Variants in CACNA1G observed in about 807,000 individuals in gnomAD.
The protein encoded by CACNA1G is calcium voltage-gated channel subunit alpha1 G, also known as voltage-dependent T-type calcium channel subunit alpha-1G.
A neutral mutation model predicts 219.4 loss-of-function variants in CACNA1G; 67 were observed. The ratio of observed to expected loss-of-function variants is 0.31; its 90% CI spans 0.25 to 0.37. The LOEUF is 0.37. Among genes scored for constraint, CACNA1G ranks in the 10% least tolerant of loss-of-function variants. The pLI is 1.00. For missense variants in CACNA1G, 2,380 were observed against 3,231.4 expected, an observed-to-expected ratio of 0.74 and a Z score of 6.39; for synonymous variants, 1,296 against 1,345.3, an observed-to-expected ratio of 0.96 and a Z score of 0.80.
intron 8 of CACNA1G, among the ~76,000 whole-genome samples, chr17:50,577,653 G>T (rs1297272075): frequency 6.6e-6 from 1 of 151,874 alleles, no homozygotes; most frequent in Non-Finnish European, 1.5e-5. Context: ...GAATGTGTTT[G>T]TGCACACATG....
Position 50,621,587 on chromosome 17 carries a change from C to T in CACNA1G, c.5926-73C>T, listed in dbSNP as rs774202880. The T allele has an allele frequency of 2.2e-5, 34 of 1,527,208 alleles. No individual in the cohort carries two copies. Among genetic ancestry groups the T allele is most frequent in the South Asian group, 1.6e-4 (14 of 85,126 alleles). The allele number at this position is 1,527,208 out of a possible 1,614,324, so 94.6% of individuals were successfully genotyped here. A position where few individuals can be genotyped will look rare whatever the true frequency, so the allele number is the denominator to read the frequency against. ...GGGGGAAGTGGGGACTGAGAGAGAGCGCGTGTGTGCGTGTGCACGCGCGTG... is the reference window on the plus strand; with the variant it reads ...GGGGGAAGTGGGGACTGAGAGAGAGTGCGTGTGTGCGTGTGCACGCGCGTG... On this transcript the variant is annotated intron_variant, in intron 34 of 37. Coordinates refer to ENST00000359106, the MANE Select transcript of CACNA1G (RefSeq NM_018896.5). The surrounding 1 kb of genome is among the most constrained non-coding windows in gnomAD (Gnocchi z 4.6).
Position 50,596,006 on chromosome 17 carries a change from G to C in CACNA1G, c.2980-556G>C, listed in dbSNP as rs1259131227. ...AGACAGGGAGAGAGGTAAAAATGGGGCCAGGGAGGGGGCCGGGACTTGGGG... is the reference window on the plus strand; with the variant it reads ...AGACAGGGAGAGAGGTAAAAATGGGCCCAGGGAGGGGGCCGGGACTTGGGG... On this transcript the variant is annotated intron_variant, in intron 14 of 37. Coordinates refer to ENST00000359106, the MANE Select transcript of CACNA1G (RefSeq NM_018896.5). The surrounding 1 kb of genome is among the most constrained non-coding windows in gnomAD (Gnocchi z 4.8). Among the ~76,000 whole-genome samples the C allele has an allele frequency of 1.3e-5, 2 of 152,224 alleles. No homozygotes were observed. The highest frequency in any genetic ancestry group is 2.9e-5 in the Non-Finnish European group (2 of 68,046).
chr17:50,625,911 T>C (rs892726503), intron 37 of CACNA1G, 106 bp from the exon 38 acceptor site: 2 of 1,264,906 alleles, frequency 1.6e-6, no homozygotes, highest in Non-Finnish European at 2.2e-6. Context: ...AGGATAGTCC[T>C]GCTGTGCCTG....
intron 13 of CACNA1G, among the ~76,000 whole-genome samples, chr17:50,594,535 G>A (rs1372664266): frequency 1.3e-5 from 2 of 152,144 alleles, no homozygotes; most frequent in East Asian, 3.9e-4. Flanking sequence ...ACAGACTCGG[G>A]TTCCAGGCCC....
At chr17:50,624,168 C>G in intron 36 of CACNA1G, 93 bp downstream of exon 36, 1 of 1,475,358 alleles carries the variant, frequency 6.8e-7, no homozygotes, top group Non-Finnish European at 9.3e-7. Context: ...GGAACTGAGG[C>G]AGCCAAAGAG....
chr17:50,576,443 C>T, intron 8 of CACNA1G, 117 bp downstream of exon 8: 3 of 1,034,252 alleles, frequency 2.9e-6, no homozygotes, highest in Non-Finnish European at 4.4e-6. Flanking sequence ...CATGCTGCCT[C>T]TCATGGCTTA....
At chr17:50,624,324 T>TCCCCCCCCCCCCCCCCCCCGGGCCC in intron 36 of CACNA1G, 36 bp from the exon 37 acceptor site, 2 of 1,177,658 alleles carry the variant, frequency 1.7e-6, no homozygotes, top group Non-Finnish European at 2.4e-6. Flanking sequence ...CTCCATTCTC[T>TCCCCCCCCCCCCCCCCCCCGGGCCC]CCCCCCACCC....
chr17:50,593,735 T>C (rs1398941616), intron 13 of CACNA1G, among the ~76,000 whole-genome samples: 1 of 152,182 alleles, frequency 6.6e-6, no homozygotes, highest in Non-Finnish European at 1.5e-5. Flanking sequence ...GGATGCGGTG[T>C]CTTGGGCTGG....
chr17:50,624,345 T>TCCCCCCCCCCCCC lies in CACNA1G; in HGVS notation c.6230-12_6230-11insCCCCCCCCCCCCC. 2 of 1,132,464 alleles carry TCCCCCCCCCCCCC rather than the reference T, an allele frequency of 1.8e-6. No individual in the cohort carries two copies. Among genetic ancestry groups the TCCCCCCCCCCCCC allele is most frequent in the South Asian group, 1.4e-5 (1 of 73,554 alleles). The allele number at this position is 1,132,464 out of a possible 1,614,324, so 70.2% of individuals were successfully genotyped here. A position where few individuals can be genotyped will look rare whatever the true frequency, so the allele number is the denominator to read the frequency against. On this transcript the variant is annotated splice_polypyrimidine_tract_variant and intron_variant, in intron 36 of 37. Coordinates refer to ENST00000359106, the MANE Select transcript of CACNA1G (RefSeq NM_018896.5). ...TCTCTCCCCCCACCCCTCCCCCGCTTCCCTCCCTCCACAGGCTCCGTCTTG... is the reference window on the plus strand; with the variant it reads ...TCTCTCCCCCCACCCCTCCCCCGCTTCCCCCCCCCCCCCCCCTCCCTCCACAGGCTCCGTCTTG...
intron 1 of CACNA1G, 92 bp downstream of exon 1, chr17:50,561,793 G>C: frequency 9.6e-7 from 1 of 1,039,302 alleles, no homozygotes; most frequent in Non-Finnish European, 1.2e-6. Flanking sequence ...CCACCGCCAG[G>C]TGAGTCGAAG....
Position 50,619,668 on chromosome 17 carries a change from G to T in CACNA1G, c.5782-15G>T. ...CCCCTGCCTCTCCGGCTCCCCTTAC[G>T]GGCTGGCTCCCCAGGACAGGCAGCT... On this transcript the variant is annotated splice_polypyrimidine_tract_variant and intron_variant, in intron 33 of 37. Coordinates refer to ENST00000359106, the MANE Select transcript of CACNA1G (RefSeq NM_018896.5). 1 of 1,605,470 alleles carries T rather than the reference G, an allele frequency of 6.2e-7. No individual in the cohort carries two copies. Among genetic ancestry groups the T allele is most frequent in the Non-Finnish European group, 8.5e-7 (1 of 1,177,890 alleles).
At chr17:50,573,229 TG>T in intron 7 of CACNA1G, 116 bp downstream of exon 7, 1 of 721,880 alleles carries the variant, frequency 1.4e-6, no homozygotes, top group Non-Finnish European at 2.4e-6. Context: ...GGACAAGTCC[TG>T]TAGAGAGGGC....
rs756553426 is a variant in CACNA1G at position 50,617,860 on chromosome 17, G to A, written c.5157G>A (p.Val1719=). The A allele has an allele frequency of 6.2e-6, 10 of 1,613,492 alleles. No individual in the cohort carries two copies. The South Asian group carries it at 1.1e-4, about 18-fold the overall frequency. The change falls in exon 30 of 38, where the codon GTG becomes GTA. Residue 1719 remains valine (V), a splice_region_variant and synonymous_variant. Coordinates refer to ENST00000359106, the MANE Select transcript of CACNA1G (RefSeq NM_018896.5). The surrounding 1 kb of genome is among the most constrained non-coding windows in gnomAD (Gnocchi z 5.8). Reference sequence around the variant, plus strand: ...TCATGACGTTGTCCTGTTCTGCAGTGCTGAAGCTGCTGAAGATGGCTGTGG... The same window carrying A: ...TCATGACGTTGTCCTGTTCTGCAGTACTGAAGCTGCTGAAGATGGCTGTGG... The part of the protein sequence containing the change: ...RIMRVLRIAR[V]LKLLKMAVGM...
chr17:50,573,213 C>T (rs1436943436), intron 7 of CACNA1G, 100 bp downstream of exon 7: 2 of 844,230 alleles, frequency 2.4e-6, no homozygotes, highest in Non-Finnish European at 3.9e-6. Context: ...AAGTTTTTAG[C>T]TCTCAGGACA....
chr17:50,566,347 A>G (rs2037852026), intron 1 of CACNA1G, among the ~76,000 whole-genome samples: 2 of 151,500 alleles, frequency 1.3e-5, no homozygotes, highest in African/African-American at 2.4e-5. Context: ...GAGTGTCCCA[A>G]ATTGTCGTGT....
intron 26 of CACNA1G, 32 bp from the exon 27 acceptor site, chr17:50,615,329 C>A (rs752152924): frequency 1.3e-6 from 2 of 1,543,612 alleles, no homozygotes; most frequent in East Asian, 2.3e-5. Context: ...AGGGGCCTGA[C>A]GCTTGCTCTG....
chr17:50,584,426 A>G (rs2042598777), intron 9 of CACNA1G, among the ~76,000 whole-genome samples: 1 of 151,904 alleles, frequency 6.6e-6, no homozygotes, highest in Admixed American at 6.6e-5. Flanking sequence ...ATCCACTAAG[A>G]GGAGGGCTGG....
Position 50,617,292 on chromosome 17 carries a change from T to C in CACNA1G, c.5022-146T>C. On this transcript the variant is annotated intron_variant, in intron 28 of 37. Transcript: ENST00000359106. This position sits in a 1 kb window ranked among gnomAD's most constrained non-coding sequence, Gnocchi z 5.8. ...CACCAGTTGGCTGTGTGGCCTTAGATAAGCCACGCCTCTTCTCTGTGGGAT... is the reference window on the plus strand; with the variant it reads ...CACCAGTTGGCTGTGTGGCCTTAGACAAGCCACGCCTCTTCTCTGTGGGAT... 2 of 849,566 alleles carry C rather than the reference T, an allele frequency of 2.4e-6. No individual in the cohort carries two copies. Among genetic ancestry groups the C allele is most frequent in the Non-Finnish European group, 3.5e-6 (2 of 564,360 alleles). The allele number at this position is 849,566 out of a possible 1,614,324, so 52.6% of individuals were successfully genotyped here.
chr17:50,596,874 G>A lies in CACNA1G; in HGVS notation c.3209G>A (p.Ser1070Asn), dbSNP rs2045660870. ...CTGGGCCCTGCGTCGCGCCGCACCAGCAGCAGCGGGTCGGCAGAGCCTGGG... is the reference window on the plus strand; with the variant it reads ...CTGGGCCCTGCGTCGCGCCGCACCAACAGCAGCGGGTCGGCAGAGCCTGGG... ...EALGPASRRT[S>N]SSGSAEPGAA... is the part of the protein sequence containing the mutation. Residue 1070 changes from serine to asparagine, a missense_variant, in exon 16 of 38, where the codon AGC (serine) becomes AAC (asparagine). Coordinates refer to ENST00000359106, the MANE Select transcript of CACNA1G (RefSeq NM_018896.5). The surrounding 1 kb of genome is among the most constrained non-coding windows in gnomAD (Gnocchi z 4.8). The A allele has an allele frequency of 1.9e-6, 3 of 1,590,788 alleles. No individual in the cohort carries two copies. The highest frequency in any genetic ancestry group is 1.3e-5 in the African/African-American group (1 of 74,492).
Sources: allele counts gnomAD v4.1 joint callset (sites outside exome capture counted in the v4.1 genomes callset), GRCh38; gene constraint gnomAD v4.1.1; non-coding constraint Gnocchi (gnomAD v3.1); transcripts MANE v1.5; gene names NCBI Gene and HGNC (gene_info 2026-07-23, HGNC 2026-07-21).